The following ABHD12 variants were observed in gnomAD, a reference collection of about 807,000 sequenced individuals.
ABHD12 encodes the protein abhydrolase domain containing 12, lysophospholipase.
A neutral mutation model predicts 58.3 loss-of-function variants in ABHD12; 43 were observed. The ratio of observed to expected loss-of-function variants is 0.74; its 90% CI spans 0.58 to 0.95. The LOEUF (loss-of-function observed/expected upper bound fraction) is 0.95. Ranked by LOEUF, ABHD12 falls within the 40% of genes least tolerant of loss-of-function variation. The pLI, the probability that ABHD12 is intolerant of heterozygous loss-of-function variation, is 0.00. For synonymous variants in ABHD12, 219 were observed against 211.2 expected (o/e 1.04, Z -0.32); for missense variants, 539 against 537.2 (o/e 1.00, Z -0.03).
intron 2 of ABHD12, among the ~76,000 whole-genome samples, chr20:25,333,781 T>A (rs2089317454): frequency 6.6e-6 from 1 of 151,828 alleles, no homozygotes; most frequent in South Asian, 2.1e-4. Context: ...AAACTCTCAA[T>A]AAATTCGGTA....
chr20:25,349,501 C>G (rs2089570148), intron 1 of ABHD12, among the ~76,000 whole-genome samples: 1 of 152,102 alleles, frequency 6.6e-6, no homozygotes, highest in Non-Finnish European at 1.5e-5. Flanking sequence ...TGTCCATCAG[C>G]AGATGAATAA....
intron 1 of ABHD12, among the ~76,000 whole-genome samples, chr20:25,367,051 C>T (rs757367976): frequency 2.0e-5 from 3 of 152,032 alleles, no homozygotes; most frequent in Non-Finnish European, 4.4e-5. Context: ...AAGAGAGAAA[C>T]GGATGGGCAT....
downstream of ABHD12, chr20:25,296,854 A>G (rs183892826): frequency 1.6e-3 from 489 of 312,164 alleles, no homozygotes; most frequent in Non-Finnish European, 2.3e-3. Context: ...ACATCTTGCT[A>G]TGTATTAGCC....
chr20:25,323,563 G>A, intron 2 of ABHD12, 133 bp from the exon 3 acceptor site: 2 of 704,072 alleles, frequency 2.8e-6, no homozygotes, highest in Non-Finnish European at 5.2e-6. Context: ...ACACCCACAT[G>A]CACACACTGC....
chr20:25,360,227 C>CTT (rs576215687), intron 1 of ABHD12, among the ~76,000 whole-genome samples: 374 of 37,372 alleles, frequency 0.01, 130 homozygotes, highest in African/African-American at 0.036. Context: ...GAACACGTTA[C>CTT]TTTTTTTTTT....
chr20:25,385,537 C>T (rs1017395837), intron 1 of ABHD12, among the ~76,000 whole-genome samples: 8 of 151,986 alleles, frequency 5.3e-5, no homozygotes, highest in Non-Finnish European at 1.2e-4. Flanking sequence ...GTAGTAGTTA[C>T]CGAAGTGCTA....
intron 1 of ABHD12, among the ~76,000 whole-genome samples, chr20:25,388,786 T>C (rs115208588): frequency 0.12 from 13,621 of 113,340 alleles, 743 homozygotes; most frequent in African/African-American, 0.14. Flanking sequence ...TTTGATTTTT[T>C]CTTTTTTTTT....
intron 4 of ABHD12, among the ~76,000 whole-genome samples, chr20:25,317,587 G>A (rs901947499): frequency 2.8e-4 from 42 of 152,316 alleles, no homozygotes; most frequent in African/African-American, 1.0e-3. Context: ...TTGCTGCTGT[G>A]GCCACCCTGC....
chr20:25,354,308 T>C (rs902123271), intron 1 of ABHD12, among the ~76,000 whole-genome samples: 8 of 151,886 alleles, frequency 5.3e-5, no homozygotes, highest in African/African-American at 1.9e-4. Flanking sequence ...GGACACAGGG[T>C]GCACACTGTC....
Position 25,335,178 on chromosome 20 carries a change from T to A in ABHD12, c.316+4049A>T, listed in dbSNP as rs570608990. ...ACAGACACTTCTCAAAAGAAGACAG[T>A]TATGTAGCCAAAAAAACACATGAAA... On this transcript the variant is annotated intron_variant, in intron 2 of 12. Coordinates refer to ENST00000339157, the MANE Select transcript of ABHD12 (RefSeq NM_001042472.3). Among the ~76,000 whole-genome samples, 3 of 152,344 alleles carry A rather than the reference T, an allele frequency of 2.0e-5. No individual in the cohort carries two copies. The East Asian group carries it at 5.8e-4, about 29-fold the overall frequency.
chr20:25,382,596 C>G (rs1443059066), intron 1 of ABHD12, among the ~76,000 whole-genome samples: 1 of 152,146 alleles, frequency 6.6e-6, no homozygotes, highest in Non-Finnish European at 1.5e-5. Flanking sequence ...AAATGAGGTC[C>G]TGTCTCCATC....
chr20:25,304,753 G>A (rs764319676), intron 10 of ABHD12, among the ~76,000 whole-genome samples: 9 of 151,810 alleles, frequency 5.9e-5, no homozygotes, highest in Non-Finnish European at 1.0e-4. Context: ...TATTTTAGTA[G>A]AGACAGGGTT....
intron 5 of ABHD12, among the ~76,000 whole-genome samples, chr20:25,316,632 C>T (rs2088966787): frequency 6.6e-6 from 1 of 152,228 alleles, no homozygotes. Context: ...CAAGGCCCTA[C>T]CTTCCAGCAC....
chr20:25,387,589 T>TAAAAAAAAA (rs779293077), intron 1 of ABHD12, among the ~76,000 whole-genome samples: 41,992 of 82,206 alleles, frequency 0.51, 11,080 homozygotes, highest in South Asian at 0.56. Flanking sequence ...TTCATCTCTA[T>TAAAAAAAAA]TAAAAAAAAA....
chr20:25,368,079 T>C (rs1026712603), intron 1 of ABHD12, among the ~76,000 whole-genome samples: 1 of 152,248 alleles, frequency 6.6e-6, no homozygotes, highest in Non-Finnish European at 1.5e-5. Context: ...GTTATTTTGT[T>C]TTTATTCATA....
intron 2 of ABHD12, among the ~76,000 whole-genome samples, chr20:25,331,164 A>G (rs1371740942): frequency 1.3e-5 from 2 of 152,250 alleles, no homozygotes; most frequent in South Asian, 2.1e-4. Context: ...CTACGTGAAG[A>G]ATGCAGAAAC....
chr20:25,375,827 A>G (rs889002398), intron 1 of ABHD12, among the ~76,000 whole-genome samples: 9 of 152,228 alleles, frequency 5.9e-5, no homozygotes, highest in African/African-American at 2.2e-4. Context: ...TTCTTTTAAA[A>G]TATGTCTATA....
chr20:25,365,903 G>T (rs1012708808), intron 1 of ABHD12, among the ~76,000 whole-genome samples: 2 of 152,260 alleles, frequency 1.3e-5, no homozygotes, highest in South Asian at 2.1e-4. Flanking sequence ...AGCTAAGCAT[G>T]GTGGTGTGTG....
At chr20:25,353,773 G>A (rs1448998980) in intron 1 of ABHD12, among the ~76,000 whole-genome samples, 2 of 152,184 alleles carry the variant, frequency 1.3e-5, no homozygotes, top group African/African-American at 4.8e-5. Context: ...CTGGGCCAAC[G>A]GCTGTCTGCA....
Sources: gnomAD v4.1 joint callset for allele counts (sites outside exome capture counted in the v4.1 genomes callset) on GRCh38, gnomAD v4.1.1 for gene constraint, MANE v1.5 for transcripts, NCBI Gene and HGNC (gene_info 2026-07-23, HGNC 2026-07-21) for gene names.